STARD13: variants seen among roughly 807,000 people sequenced by gnomAD.
STARD13 encodes the protein StAR related lipid transfer domain containing 13.
Under a neutral mutation model 106.4 loss-of-function variants are expected in STARD13, and 62 were observed. The ratio of observed to expected loss-of-function variants is 0.58; its 90% CI spans 0.48 to 0.72. The LOEUF (loss-of-function observed/expected upper bound fraction) is 0.72. Ranked by LOEUF, STARD13 falls within the 30% of genes least tolerant of loss-of-function variation. The probability of loss-of-function intolerance (pLI) is 0.00; values close to 1 mark genes in which losing one functional copy is unlikely to be tolerated. For missense variants in STARD13, 1,387 were observed against 1,424.0 expected (o/e 0.97, Z 0.42); for synonymous variants, 565 against 553.0 (o/e 1.02, Z -0.31).
chr13:33,156,584 T>C (rs909108658), intron 3 of STARD13, among the ~76,000 whole-genome samples: 6 of 152,220 alleles, frequency 3.9e-5, no homozygotes, highest in Non-Finnish European at 8.8e-5. Flanking sequence ...TAATTCCTAC[T>C]ACCATTTATT....
rs1301951966 is a variant in STARD13, at chr13:33,111,910, T to A, written c.2493-18A>T. The A allele has an allele frequency of 2.6e-6, 4 of 1,534,022 alleles. No homozygotes were observed. Among genetic ancestry groups the A allele is most frequent in the African/African-American group, 2.7e-5 (2 of 73,428 alleles). On this transcript the variant is annotated intron_variant, in intron 9 of 13. Transcript: ENST00000336934. ...GTATGACTCTGTAATTGAACGTGAG[T>A]GTGCTAAGCAGATCCCACACCAACG...
intron 1 of STARD13, among the ~76,000 whole-genome samples, chr13:33,335,463 T>C (rs1239904860): frequency 6.6e-6 from 1 of 152,128 alleles, no homozygotes; most frequent in East Asian, 1.9e-4. Flanking sequence ...TAGACTGTGA[T>C]TAGGGTGGAG....
At chr13:33,341,644 C>CTTG (rs2077962727) in intron 1 of STARD13, among the ~76,000 whole-genome samples, 1 of 151,924 alleles carries the variant, frequency 6.6e-6, no homozygotes, top group Non-Finnish European at 1.5e-5. Context: ...ACCAGCTGGG[C>CTTG]TTGTGCCTCT....
intron 1 of STARD13, among the ~76,000 whole-genome samples, chr13:33,307,117 T>A (rs541139863): frequency 9.5e-4 from 145 of 152,230 alleles, no homozygotes; most frequent in Non-Finnish European, 1.8e-3. Context: ...TACCATCTCA[T>A]GCCACTCAGA....
the STARD13 span, among the ~76,000 whole-genome samples, chr13:33,489,960 G>T: frequency 6.6e-6 from 1 of 152,098 alleles, no homozygotes; most frequent in Admixed American, 6.6e-5. Flanking sequence ...CAAATGGATC[G>T]ATAACCTTGA....
At chr13:33,441,199 G>A in the STARD13 span, among the ~76,000 whole-genome samples, 2 of 152,074 alleles carry the variant, frequency 1.3e-5, no homozygotes, top group Admixed American at 1.3e-4. Context: ...GAATCCATCT[G>A]CTTCTTTTCA....
chr13:33,411,241 G>T, the STARD13 span, among the ~76,000 whole-genome samples: 1 of 152,110 alleles, frequency 6.6e-6, no homozygotes, highest in Non-Finnish European at 1.5e-5. Context: ...GGCAAAATAA[G>T]CGCCATTCTC....
the STARD13 span, among the ~76,000 whole-genome samples, chr13:33,588,286 T>C: frequency 6.6e-6 from 1 of 152,208 alleles, no homozygotes; most frequent in South Asian, 2.1e-4. Flanking sequence ...TTGAACCCTT[T>C]TGAAATTTTG....
In STARD13 at chr13:33,105,457, T is replaced by C. The variant is rs986036724; in HGVS notation, c.*136A>G. 1.1e-4 allele frequency: 73 copies of C among 643,270 alleles called. No homozygotes were observed. The Middle Eastern group carries it at 1.2e-3, about 10-fold the overall frequency. 39.8% of individuals were successfully genotyped at this position (643,270 alleles called of 1,614,324 possible). A position where few individuals can be genotyped will look rare whatever the true frequency, so the allele number is the denominator to read the frequency against. On this transcript the variant is annotated 3_prime_UTR_variant, in exon 14 of 14. Transcript: ENST00000336934. ...TTCTTGCATCTCCAACATTCCAACT[T>C]CTTAACGTTTCCATTTTTAGGCATT...
At chr13:33,188,923 C>T (rs1483196442) in intron 1 of STARD13, among the ~76,000 whole-genome samples, 5 of 152,148 alleles carry the variant, frequency 3.3e-5, no homozygotes, top group Admixed American at 6.5e-5. Context: ...AATTATTTTC[C>T]GGCTAACTTT....
rs559676687 is a variant in STARD13 at position 33,156,115 on chromosome 13, C to T, written c.323+9222G>A. On this transcript the variant is annotated intron_variant, in intron 3 of 13. Transcript: ENST00000336934. ...GGGTAAGGGCATCCCACTCCTATCA[C>T]GCAGCTAACGCCATGGCGGTTCTGG... is the stretch of plus-strand genomic sequence containing the variant. Among the ~76,000 whole-genome samples the T allele has an allele frequency of 9.8e-5, 15 of 152,364 alleles. No homozygotes were observed. The South Asian group carries it at 1.9e-3, about 19-fold the overall frequency.
the STARD13 span, among the ~76,000 whole-genome samples, chr13:33,359,075 A>G: frequency 7.9e-5 from 12 of 152,294 alleles, no homozygotes; most frequent in African/African-American, 2.9e-4. Flanking sequence ...GGGCCAGATA[A>G]GAGAATAAAA....
At chr13:33,280,462 AAG>A (rs1252922432) in intron 1 of STARD13, 1 of 152,230 alleles carries the variant, frequency 6.6e-6, no homozygotes, top group African/African-American at 2.4e-5. Context: ...CAAGAAAAGA[AAG>A]AGGTTGTATT....
chr13:33,173,080 G>T (rs578007508), intron 1 of STARD13, among the ~76,000 whole-genome samples: 9 of 152,150 alleles, frequency 5.9e-5, no homozygotes, highest in African/African-American at 1.9e-4. Context: ...AAAAGACTAC[G>T]GGTACCAGCA....
chr13:33,652,933 C>T, the STARD13 span, among the ~76,000 whole-genome samples: 5 of 151,798 alleles, frequency 3.3e-5, no homozygotes, highest in Non-Finnish European at 7.4e-5. Context: ...GGTATGACAT[C>T]AAAAGAAGAA....
chr13:33,467,216 G>C, the STARD13 span, among the ~76,000 whole-genome samples: 2 of 151,948 alleles, frequency 1.3e-5, no homozygotes, highest in African/African-American at 4.8e-5. Context: ...ACCTGAGTTT[G>C]TTTCCCTGCA....
the STARD13 span, among the ~76,000 whole-genome samples, chr13:33,359,134 A>G: frequency 7.9e-3 from 757 of 95,664 alleles, 6 homozygotes; most frequent in South Asian, 0.046. Context: ...TGCCTTCCAC[A>G]CTGTGGAAGC....
chr13:33,315,009 TCATTGGAAGTTATAATGTA>T (rs1467107430), intron 1 of STARD13, among the ~76,000 whole-genome samples: 1 of 152,200 alleles, frequency 6.6e-6, no homozygotes, highest in Non-Finnish European at 1.5e-5. Flanking sequence ...GTGCACTTTT[TCATTGGAAGTTATAATGTA>T]CATAAGATCT....
the STARD13 span, among the ~76,000 whole-genome samples, chr13:33,644,683 T>A: frequency 6.6e-6 from 1 of 152,162 alleles, no homozygotes; most frequent in Non-Finnish European, 1.5e-5. Flanking sequence ...AAGCCTATAA[T>A]TGACAAAACA....
Sources: allele counts gnomAD v4.1 joint callset (sites outside exome capture counted in the v4.1 genomes callset), GRCh38; gene constraint gnomAD v4.1.1; transcripts MANE v1.5; gene names NCBI Gene and HGNC (gene_info 2026-07-23, HGNC 2026-07-21).